Variants in TACR3 observed in about 807,000 individuals in gnomAD.
TACR3 encodes tachykinin receptor 3.
In TACR3, 34 loss-of-function variants were observed where a neutral mutation model predicts 35.0. That is an observed-to-expected ratio of 0.97 (90% CI 0.74 to 1.30). The LOEUF is 1.30. Ranked by LOEUF, TACR3 falls within the 50% of genes most tolerant of loss-of-function variation. The probability of loss-of-function intolerance (pLI) is 0.00; values close to 1 mark genes in which losing one functional copy is unlikely to be tolerated. For missense variants in TACR3, 558 were observed against 591.7 expected (o/e 0.94, Z 0.59); for synonymous variants, 233 against 221.1 (o/e 1.05, Z -0.48).
intron 1 of TACR3, among the ~76,000 whole-genome samples, chr4:103,698,536 C>CTTTTCTTTG (rs1553912121): frequency 1.3e-5 from 2 of 148,336 alleles, no homozygotes; most frequent in African/African-American, 4.9e-5. Context: ...AGGATATTTT[C>CTTTTCTTTG]TTTTCTTTTT....
intron 3 of TACR3, among the ~76,000 whole-genome samples, chr4:103,592,113 G>C (rs1723911057): frequency 6.6e-6 from 1 of 152,152 alleles, no homozygotes; most frequent in Non-Finnish European, 1.5e-5. Context: ...GGCTGGGTTT[G>C]TTCAAGTCAG....
intron 3 of TACR3, among the ~76,000 whole-genome samples, chr4:103,646,779 C>A (rs1022931139): frequency 6.6e-6 from 1 of 151,868 alleles, no homozygotes; most frequent in Non-Finnish European, 1.5e-5. Context: ...GATAGCAAAT[C>A]TTTTCTGTTT....
intron 1 of TACR3, among the ~76,000 whole-genome samples, chr4:103,666,699 A>T (rs1288231927): frequency 6.6e-6 from 1 of 152,206 alleles, no homozygotes; most frequent in African/African-American, 2.4e-5. Flanking sequence ...TTCAGATAAC[A>T]GATTTAGAAG....
At chr4:103,694,205 C>A (rs1034075664) in intron 1 of TACR3, among the ~76,000 whole-genome samples, 1 of 151,250 alleles carries the variant, frequency 6.6e-6, no homozygotes, top group African/African-American at 2.5e-5. Flanking sequence ...TCCCACCATA[C>A]ACTTCCTTAC....
intron 1 of TACR3, among the ~76,000 whole-genome samples, chr4:103,700,504 C>A (rs150262112): frequency 2.6e-5 from 4 of 152,166 alleles, no homozygotes; most frequent in Non-Finnish European, 5.9e-5. Context: ...AGAAACACTA[C>A]AAACACTGTG....
At chr4:103,718,307 G>A (rs1723135454) in intron 1 of TACR3, among the ~76,000 whole-genome samples, 1 of 152,126 alleles carries the variant, frequency 6.6e-6, no homozygotes, top group African/African-American at 2.4e-5. Context: ...GAAATCAACT[G>A]CTATTGATTT....
chr4:103,642,665 G>A (rs1725381553), intron 3 of TACR3, among the ~76,000 whole-genome samples: 1 of 151,780 alleles, frequency 6.6e-6, no homozygotes, highest in Non-Finnish European at 1.5e-5. Context: ...GGAAGGGTAG[G>A]GTGGAGGGGA....
At chr4:103,716,703 T>C (rs1035037888) in intron 1 of TACR3, among the ~76,000 whole-genome samples, 2 of 152,172 alleles carry the variant, frequency 1.3e-5, no homozygotes, top group Non-Finnish European at 2.9e-5. Context: ...AAAGTTGCAA[T>C]TATTTTCAAG....
intron 1 of TACR3, among the ~76,000 whole-genome samples, chr4:103,682,881 T>C (rs1170365761): frequency 6.6e-6 from 1 of 152,122 alleles, no homozygotes; most frequent in Non-Finnish European, 1.5e-5. Context: ...ACTTGATTTT[T>C]TAAAGCCAGC....
At chr4:103,673,307 G>C (rs1726091259) in intron 1 of TACR3, among the ~76,000 whole-genome samples, 1 of 152,110 alleles carries the variant, frequency 6.6e-6, no homozygotes, top group African/African-American at 2.4e-5. Context: ...TCCTCACTAA[G>C]CTTAATCATT....
At chr4:103,711,489 T>C (rs1012510323) in intron 1 of TACR3, among the ~76,000 whole-genome samples, 1 of 152,200 alleles carries the variant, frequency 6.6e-6, no homozygotes, top group African/African-American at 2.4e-5. Context: ...TAATGGGATG[T>C]ATCTCAAAAT....
At chr4:103,636,092 A>T (rs915751746) in intron 3 of TACR3, among the ~76,000 whole-genome samples, 2 of 152,024 alleles carry the variant, frequency 1.3e-5, no homozygotes, top group Non-Finnish European at 2.9e-5. Flanking sequence ...TAAATTTAAC[A>T]ATGTATTTAG....
chr4:103,681,061 T>C (rs1016774153), intron 1 of TACR3, among the ~76,000 whole-genome samples: 8 of 152,024 alleles, frequency 5.3e-5, no homozygotes, highest in African/African-American at 1.7e-4. Flanking sequence ...AAATAGAGCA[T>C]AATATTCTTC....
intron 1 of TACR3, among the ~76,000 whole-genome samples, chr4:103,715,894 T>C (rs1004146856): frequency 2.6e-5 from 4 of 152,138 alleles, no homozygotes; most frequent in African/African-American, 9.7e-5. Context: ...AATATATATA[T>C]ATGTAAGATA....
chr4:103,610,776 C>T (rs1442900582), intron 3 of TACR3, among the ~76,000 whole-genome samples: 5 of 152,094 alleles, frequency 3.3e-5, no homozygotes, highest in African/African-American at 4.8e-5. Flanking sequence ...ACATTTATAT[C>T]TTTAATCCAT....
intron 1 of TACR3, among the ~76,000 whole-genome samples, chr4:103,686,546 C>A (rs916961199): frequency 1.3e-5 from 2 of 152,074 alleles, no homozygotes; most frequent in Non-Finnish European, 2.9e-5. Flanking sequence ...TAACAGTAAA[C>A]CCCAAGGTGG....
At chr4:103,664,431 A>C (rs1236945763) in intron 1 of TACR3, among the ~76,000 whole-genome samples, 3 of 152,106 alleles carry the variant, frequency 2.0e-5, no homozygotes, top group African/African-American at 7.2e-5. Context: ...GAGCTTTTAC[A>C]TATCTTCAAG....
At chr4:103,706,339 C>A (rs957582343) in intron 1 of TACR3, among the ~76,000 whole-genome samples, 3 of 151,850 alleles carry the variant, frequency 2.0e-5, no homozygotes, top group Non-Finnish European at 1.5e-5. Context: ...AGTTTTAAGC[C>A]AAATACATGA....
chr4:103,696,623 A>T (rs1401821986), intron 1 of TACR3, among the ~76,000 whole-genome samples: 1 of 151,844 alleles, frequency 6.6e-6, no homozygotes, highest in Non-Finnish European at 1.5e-5. Context: ...TTTCTTTTTT[A>T]TTTTTTTATG....
Sources: allele counts gnomAD v4.1 joint callset (sites outside exome capture counted in the v4.1 genomes callset), GRCh38; gene constraint gnomAD v4.1.1; transcripts MANE v1.5; gene names NCBI Gene and HGNC (gene_info 2026-07-23, HGNC 2026-07-21).